Variants in MDM4 observed in about 807,000 individuals in gnomAD.
MDM4 encodes the protein MDM4 regulator of p53.
A neutral mutation model predicts 60.2 loss-of-function variants in MDM4; 2 were observed. That is an observed-to-expected ratio of 0.03 (90% CI 0.01 to 0.10). The LOEUF (loss-of-function observed/expected upper bound fraction) is 0.10. Ranked by LOEUF, MDM4 falls within the 10% of genes least tolerant of loss-of-function variation. MDM4 has a pLI of 1.00. For missense variants in MDM4, 447 were observed against 577.5 expected (o/e 0.77, Z 2.32); for synonymous variants, 202 against 198.1 (o/e 1.02, Z -0.17).
chr1:204,536,652 G>GTT (rs1203522715), intron 5 of MDM4, among the ~76,000 whole-genome samples: 1 of 152,168 alleles, frequency 6.6e-6, no homozygotes, highest in Non-Finnish European at 1.5e-5. Flanking sequence ...GTGTAGCCAA[G>GTT]TTTTTGTCTT....
chr1:204,538,081 A>G, intron 6 of MDM4, 128 bp from the exon 7 acceptor site: 1 of 768,404 alleles, frequency 1.3e-6, no homozygotes, highest in Non-Finnish European at 2.4e-6. Flanking sequence ...ACTGTTGTGA[A>G]CTTGAGTTCT....
At position 204,538,258 on chromosome 1, in the gene MDM4, A is replaced by G. The variant is rs763354177; in HGVS notation, c.461A>G (p.Asp154Gly). 2.5e-6 allele frequency: 4 copies of G among 1,612,004 alleles called. No individual in the cohort carries two copies. Among genetic ancestry groups the G allele is most frequent in the African/African-American group, 1.3e-5 (1 of 74,990 alleles). Reference protein sequence around the residue: ...STSRKRTTEDDIPTLPTSEHK... With the variant: ...STSRKRTTEDGIPTLPTSEHK... ...TCCAGAAAAAGAACTACAGAAGACG[A>G]TATCCCCACACTGCCTACCTCAGAG... The change falls in exon 7 of 11, where the codon GAT becomes GGT. Residue 154 changes from aspartate to glycine, a missense_variant. Asp to Gly is a moderately conservative substitution (Grantham distance 94, BLOSUM62 -1). Coordinates refer to ENST00000367182, the MANE Select transcript of MDM4 (RefSeq NM_002393.5).
rs72644180 is a variant in MDM4, at chr1:204,523,150, A to G, written c.-35-2334A>G. ...AGTGCTGGGATTACAGGCATGGGCCAGCGTGCCCGGCTGATAGTCTTAAAA... is the reference window on the plus strand; with the variant it reads ...AGTGCTGGGATTACAGGCATGGGCCGGCGTGCCCGGCTGATAGTCTTAAAA... On this transcript the variant is annotated intron_variant, in intron 1 of 10. Transcript: ENST00000367182. Among the ~76,000 whole-genome samples, 1,433 of 149,826 alleles carry G rather than the reference A, an allele frequency of 9.6e-3. 87 individuals carry two copies. The East Asian group carries it at 0.2, about 21-fold the overall frequency.
rs72644181 is a variant in MDM4 at position 204,552,388 on chromosome 1, T to A, written c.*2706T>A. 0.085 allele frequency: 12,040 copies of A among 142,212 alleles called. 1,487 individuals carry two copies. The highest frequency in any genetic ancestry group is 0.26 in the African/African-American group (10,148 of 38,544). 8.8% of individuals were successfully genotyped at this position (142,212 alleles called of 1,614,324 possible). A position where few individuals can be genotyped will look rare whatever the true frequency, so the allele number is the denominator to read the frequency against. On this transcript the variant is annotated 3_prime_UTR_variant, in exon 11 of 11. Transcript: ENST00000367182. ...CCCAGGCTGGAGTGCAATGGCATGA[T>A]CTCTGCTCACCGCAACCTCTGCCTC... is the stretch of plus-strand genomic sequence containing the variant.
Position 204,529,625 on chromosome 1 carries a change from C to A in MDM4, c.154-1059C>A, listed in dbSNP as rs1003871318. The A allele has an allele frequency of 6.4e-6, 7 of 1,091,262 alleles. No individual in the cohort carries two copies. The African/African-American group carries it at 1.1e-4, about 17-fold the overall frequency. The allele number at this position is 1,091,262 out of a possible 1,614,324, so 67.6% of individuals were successfully genotyped here. ...TACTGGGGGGGGTCCAAGGTAGTAG[C>A]TACCCGGAGGGGTTCCTGGCGCTTG... On this transcript the variant is annotated intron_variant, in intron 3 of 10. Transcript: ENST00000367182.
rs2102454472 is a variant in MDM4 at position 204,549,174 on chromosome 1, G to A, written c.965G>A (p.Arg322His). 1 of 1,613,936 alleles carries A rather than the reference G, an allele frequency of 6.2e-7. No individual in the cohort carries two copies. The highest frequency in any genetic ancestry group is 8.5e-7 in the Non-Finnish European group (1 of 1,179,854). ...TCTCCAAGCAAGAGGTACTGTTTTC[G>A]TTGTTGGGCCTTGAGGAAGGATTGG... ...FNSPSKRYCF[R>H]CWALRKDWYS... The change falls in exon 11 of 11, where the codon CGT becomes CAT. Residue 322 changes from arginine to histidine, a missense_variant. Arg to His is a conservative substitution (Grantham distance 29, BLOSUM62 0). Around this residue, in one of 8 missense-constraint regions of MDM4, gnomAD observed 21 missense variants for 46.7 expected, o/e 0.45. Coordinates refer to ENST00000367182, the MANE Select transcript of MDM4 (RefSeq NM_002393.5).
chr1:204,533,680 TTACTG>T (rs528798786), intron 5 of MDM4, among the ~76,000 whole-genome samples: 2 of 152,334 alleles, frequency 1.3e-5, no homozygotes, highest in South Asian at 4.1e-4. Flanking sequence ...TTTTGATAGT[TTACTG>T]AACTGTCTTT....
At chr1:204,521,303 A>G (rs1659546207) in intron 1 of MDM4, among the ~76,000 whole-genome samples, 1 of 152,196 alleles carries the variant, frequency 6.6e-6, no homozygotes, top group African/African-American at 2.4e-5. Flanking sequence ...GTGGGATGAT[A>G]GGCTGAGTTG....
Position 204,557,249 on chromosome 1 carries a change from C to G in MDM4, c.*7567C>G, listed in dbSNP as rs1321434210. On this transcript the variant is annotated 3_prime_UTR_variant, in exon 11 of 11. Coordinates refer to ENST00000367182, the MANE Select transcript of MDM4 (RefSeq NM_002393.5). ...AGAGCCTGTTTGATTACTGCAGGCCCTTTTACCCATGCTTCTAGTTTAGGT... is the reference window on the plus strand; with the variant it reads ...AGAGCCTGTTTGATTACTGCAGGCCGTTTTACCCATGCTTCTAGTTTAGGT... The G allele has an allele frequency of 1.0e-5, 2 of 192,540 alleles. No individual in the cohort carries two copies. The highest frequency in any genetic ancestry group is 2.3e-5 in the African/African-American group (1 of 42,964). 11.9% of individuals were successfully genotyped at this position (192,540 alleles called of 1,614,324 possible).
Position 204,552,295 on chromosome 1 carries a change from A to C in MDM4, c.*2613A>C, listed in dbSNP as rs1017958150. The C allele has an allele frequency of 6.7e-6, 1 of 150,254 alleles. No individual in the cohort carries two copies. Among genetic ancestry groups the C allele is most frequent in the African/African-American group, 2.4e-5 (1 of 41,116 alleles). The allele number at this position is 150,254 out of a possible 1,614,324, so 9.3% of individuals were successfully genotyped here. A position where few individuals can be genotyped will look rare whatever the true frequency, so the allele number is the denominator to read the frequency against. On this transcript the variant is annotated 3_prime_UTR_variant, in exon 11 of 11. Coordinates refer to ENST00000367182, the MANE Select transcript of MDM4 (RefSeq NM_002393.5). ...TCAGAAAAAAGAAAAAAAAAATCGC[A>C]AAAAGAAAAATCTCATAATGTCGTT...
chr1:204,520,277 CA>C (rs35340106), intron 1 of MDM4, among the ~76,000 whole-genome samples: 7,258 of 65,486 alleles, frequency 0.11, 142 homozygotes, highest in African/African-American at 0.15. Flanking sequence ...GACTCCATCT[CA>C]AAAAAAAAAA....
At chr1:204,534,217 C>T (rs1048806815) in intron 5 of MDM4, among the ~76,000 whole-genome samples, 3 of 152,226 alleles carry the variant, frequency 2.0e-5, no homozygotes, top group African/African-American at 7.2e-5. Context: ...GCCCACTTCA[C>T]ATAGCTGTAA....
rs1663526671 is a variant in MDM4, at chr1:204,556,195, CT to C, written c.*6515del. On this transcript the variant is annotated 3_prime_UTR_variant, in exon 11 of 11. Transcript: ENST00000367182. Reference sequence around the variant, plus strand: ...GGATATTGCTTTTATACCAAAGACCCTTATCAGCCCTTGTAACTACAGTATC... The same window carrying C: ...GGATATTGCTTTTATACCAAAGACCCTATCAGCCCTTGTAACTACAGTATC... 8.9e-6 allele frequency: 2 copies of C among 225,636 alleles called. No homozygotes were observed. The highest frequency in any genetic ancestry group is 4.4e-5 in the African/African-American group (2 of 44,946). The allele number at this position is 225,636 out of a possible 1,614,324, so 14.0% of individuals were successfully genotyped here. A position where few individuals can be genotyped will look rare whatever the true frequency, so the allele number is the denominator to read the frequency against.
intron 5 of MDM4, among the ~76,000 whole-genome samples, chr1:204,533,048 A>G (rs1017706867): frequency 6.6e-6 from 1 of 152,198 alleles, no homozygotes; most frequent in Non-Finnish European, 1.5e-5. Context: ...CATCTGTTAC[A>G]CAGGTCACTC....
At position 204,546,781 on chromosome 1, in the gene MDM4, GT is replaced by G. The variant is rs2102440470; in HGVS notation, c.823-11del. On this transcript the variant is annotated splice_polypyrimidine_tract_variant and intron_variant, in intron 9 of 10. Coordinates refer to ENST00000367182, the MANE Select transcript of MDM4 (RefSeq NM_002393.5). ...AACAAGTAAACATTACTAATGAGAT[GT>G]TTTTGCCTTCACAGGTGATTGAAGT... 7 of 1,583,522 alleles carry G rather than the reference GT, an allele frequency of 4.4e-6. No individual in the cohort carries two copies. Among genetic ancestry groups the G allele is most frequent in the Non-Finnish European group, 5.2e-6 (6 of 1,154,424 alleles).
At chr1:204,537,382 ATGG>A (rs1284363767) in intron 5 of MDM4, 45 bp from the exon 6 acceptor site, 1 of 1,461,692 alleles carries the variant, frequency 6.8e-7, no homozygotes, top group Admixed American at 1.7e-5. Context: ...TGTGGAAAGA[ATGG>A]TTATTACCAG....
At position 204,554,933 on chromosome 1, in the gene MDM4, T is replaced by TA. The variant is rs773157646; in HGVS notation, c.*5252dup. On this transcript the variant is annotated 3_prime_UTR_variant, in exon 11 of 11. Transcript: ENST00000367182. ...AATACAGCATAGTTAAATAAACTGT[T>TA]ACAGTAAATCTACACTTGGATTTGC... The TA allele has an allele frequency of 6.2e-4, 138 of 222,768 alleles. No homozygotes were observed. The highest frequency in any genetic ancestry group is 9.8e-4 in the Non-Finnish European group (109 of 111,514). 13.8% of individuals were successfully genotyped at this position (222,768 alleles called of 1,614,324 possible).
At chr1:204,544,440 T>C in intron 8 of MDM4, 95 bp from the exon 9 acceptor site, 2 of 1,202,072 alleles carry the variant, frequency 1.7e-6, no homozygotes, top group Non-Finnish European at 2.4e-6. Flanking sequence ...GGCGATGTAG[T>C]GTGACGACAT....
At chr1:204,519,792 C>T (rs889294775) in intron 1 of MDM4, among the ~76,000 whole-genome samples, 2 of 151,880 alleles carry the variant, frequency 1.3e-5, no homozygotes, top group Non-Finnish European at 2.9e-5. Flanking sequence ...CCAGCCTGGG[C>T]GACAGAGTGA....
Sources: allele counts gnomAD v4.1 joint callset (sites outside exome capture counted in the v4.1 genomes callset), GRCh38; gene constraint gnomAD v4.1.1; regional missense constraint gnomAD v4.1.1; transcripts MANE v1.5; gene names NCBI Gene and HGNC (gene_info 2026-07-23, HGNC 2026-07-21).